The following NDUFB8 variants were observed in gnomAD, a reference collection of about 807,000 sequenced individuals.
NDUFB8 encodes NADH:ubiquinone oxidoreductase subunit B8, also known as NADH dehydrogenase [ubiquinone] 1 beta subcomplex subunit 8, mitochondrial.
NDUFB8 carries 17 observed loss-of-function variants against 26.0 expected under a neutral mutation model. The ratio of observed to expected loss-of-function variants is 0.65; its 90% CI spans 0.45 to 0.98. NDUFB8 has a LOEUF of 0.98. Among genes scored for constraint, NDUFB8 ranks in the 50% least tolerant of loss-of-function variants. The pLI is 0.00. For synonymous variants in NDUFB8, 89 were observed against 93.1 expected, an observed-to-expected ratio of 0.96 and a Z score of 0.25; for missense variants, 238 against 255.0, an observed-to-expected ratio of 0.93 and a Z score of 0.45.
chr10:100,524,666 C>G lies in NDUFB8; in HGVS notation c.469-737G>C, dbSNP rs1852014199. Reference sequence around the variant, plus strand: ...ACAGACATACCAGCTACCTTCAGGACATTGATTGTCTCTGCAGAGGTAGCA... The same window carrying G: ...ACAGACATACCAGCTACCTTCAGGAGATTGATTGTCTCTGCAGAGGTAGCA... On this transcript the variant is annotated intron_variant, in intron 4 of 4. Coordinates refer to ENST00000299166, the MANE Select transcript of NDUFB8 (RefSeq NM_005004.4). The surrounding 1 kb of genome is among the most constrained non-coding windows in gnomAD (Gnocchi z 4.0). 6.6e-6 allele frequency among the ~76,000 whole-genome samples: 1 copy of G among 152,220 alleles called. No homozygotes were observed. The highest frequency in any genetic ancestry group is 1.5e-5 in the Non-Finnish European group (1 of 68,034).
Position 100,529,509 on chromosome 10 carries a change from A to G in NDUFB8, c.86-3T>C, listed in dbSNP as rs112164069. 6.8e-6 allele frequency: 11 copies of G among 1,611,316 alleles called. No individual in the cohort carries two copies. The highest frequency in any genetic ancestry group is 3.4e-5 in the Admixed American group (2 of 58,790). On this transcript the variant is annotated splice_region_variant and splice_polypyrimidine_tract_variant and intron_variant, in intron 1 of 4. Coordinates refer to ENST00000299166, the MANE Select transcript of NDUFB8 (RefSeq NM_005004.4). The stretch of plus-strand genomic sequence containing the variant: ...CATGTCCTTGGTCATGTGGGAGGCT[A>G]GAACGCAGAAGAGAACAGGTCAGAA...
At chr10:100,529,354 G>T in intron 2 of NDUFB8, 26 bp downstream of exon 2, 1 of 1,565,290 alleles carries the variant, frequency 6.4e-7, no homozygotes, top group Admixed American at 2.1e-5. Context: ...CACTACTTGG[G>T]TGCGAGCATA....
At position 100,524,119 on chromosome 10, in the gene NDUFB8, G is replaced by T. The variant is rs530380325; in HGVS notation, c.469-190C>A. 5 of 1,573,694 alleles carry T rather than the reference G, an allele frequency of 3.2e-6. No individual in the cohort carries two copies. Among genetic ancestry groups the T allele is most frequent in the East Asian group, 4.7e-5 (2 of 43,006 alleles). On this transcript the variant is annotated intron_variant, in intron 4 of 4. Coordinates refer to ENST00000299166, the MANE Select transcript of NDUFB8 (RefSeq NM_005004.4). This position sits in a 1 kb window ranked among gnomAD's most constrained non-coding sequence, Gnocchi z 4.0. ...CCAAGGCAGAGAGAAAGCCTAAATT[G>T]TAAGAGAAGTGGTGCCTACACTGTG...
intron 2 of NDUFB8, among the ~76,000 whole-genome samples, chr10:100,528,833 G>A (rs2133713549): frequency 1.3e-5 from 2 of 152,316 alleles, no homozygotes; most frequent in African/African-American, 4.8e-5. Flanking sequence ...GTATGGATAC[G>A]GAAGAGTGTG....
intron 2 of NDUFB8, 188 bp downstream of exon 2, chr10:100,529,192 T>C (rs975012835): frequency 4.9e-5 from 22 of 445,400 alleles, no homozygotes; most frequent in Middle Eastern, 8.0e-4. Flanking sequence ...AAGGAGAAAA[T>C]TGAAGTCCTC....
downstream of NDUFB8, chr10:100,523,739 A>G: frequency 1.7e-6 from 2 of 1,171,946 alleles, no homozygotes; most frequent in Non-Finnish European, 2.4e-6. Context: ...TGAGGCACAA[A>G]TAACACAGCA....
chr10:100,529,866 C>T lies in NDUFB8; in HGVS notation c.-15G>A, dbSNP rs1852123249. On this transcript the variant is annotated 5_prime_UTR_variant, in exon 1 of 5. The change creates a new upstream start codon in the 5' untranslated region. Transcript: ENST00000299166. ...GCCACCGCCATCTTCACCTTCTTCA[C>T]GTTTCCCTTCTGCACATGCGCAAAG... is the stretch of plus-strand genomic sequence containing the variant. 6.2e-7 allele frequency: 1 copy of T among 1,613,408 alleles called. No homozygotes were observed. Among genetic ancestry groups the T allele is most frequent in the African/African-American group, 1.3e-5 (1 of 74,930 alleles).
chr10:100,526,769 T>G, intron 3 of NDUFB8: 1 of 726,402 alleles, frequency 1.4e-6, no homozygotes, highest in Non-Finnish European at 2.3e-6. Context: ...ATCATGGAAG[T>G]GCACAACTTT....
intron 1 of NDUFB8, 99 bp from the exon 2 acceptor site, chr10:100,529,605 C>T (rs1322847030): frequency 6.3e-7 from 1 of 1,576,026 alleles, no homozygotes; most frequent in African/African-American, 1.4e-5. Context: ...CCCGGGACTT[C>T]GCAGGATCAG....
At chr10:100,527,871 G>A (rs1055027402) in intron 2 of NDUFB8, among the ~76,000 whole-genome samples, 5 of 152,244 alleles carry the variant, frequency 3.3e-5, no homozygotes, top group Admixed American at 2.6e-4. Flanking sequence ...CCAGACTGGA[G>A]GGCAATGGCA....
At position 100,526,659 on chromosome 10, in the gene NDUFB8, C is replaced by T. The variant is rs1305196628; in HGVS notation, c.313-105G>A. On this transcript the variant is annotated intron_variant, in intron 3 of 4. Coordinates refer to ENST00000299166, the MANE Select transcript of NDUFB8 (RefSeq NM_005004.4). ...TACAAGGCTAGACAGAAGCATTCTA[C>T]TGCCCTGGGACAATATGCTGAGAAC... 5.1e-6 allele frequency: 7 copies of T among 1,359,736 alleles called. No individual in the cohort carries two copies. The African/African-American group carries it at 8.8e-5, about 17-fold the overall frequency. The allele number at this position is 1,359,736 out of a possible 1,614,324, so 84.2% of individuals were successfully genotyped here.
chr10:100,525,717 C>CGTGTGTGTGTGT lies in NDUFB8; in HGVS notation c.468+670_468+681dup, dbSNP rs71013460. 5.6e-4 allele frequency among the ~76,000 whole-genome samples: 26 copies of CGTGTGTGTGTGT among 46,052 alleles called. 1 individual carries two copies. Among genetic ancestry groups the CGTGTGTGTGTGT allele is most frequent in the African/African-American group, 1.9e-3 (17 of 8,922 alleles). 30.2% of individuals were successfully genotyped at this position (46,052 alleles called of 152,430 possible). On this transcript the variant is annotated intron_variant, in intron 4 of 4. Transcript: ENST00000299166. ...AGTAACTCATACCACTAAGCACATA[C>CGTGTGTGTGTGT]GTGTGTGTGTGTGTGTGTGTGTGTG... is the stretch of plus-strand genomic sequence containing the variant.
chr10:100,529,121 G>A, intron 2 of NDUFB8: 1 of 306,772 alleles, frequency 3.3e-6, no homozygotes, highest in Non-Finnish European at 6.0e-6. Context: ...CCTGCTATTC[G>A]GGGGTCCTCG....
Position 100,524,118 on chromosome 10 carries a change from T to A in NDUFB8, c.469-189A>T. ...CCCAAGGCAGAGAGAAAGCCTAAATTGTAAGAGAAGTGGTGCCTACACTGT... is the reference window on the plus strand; with the variant it reads ...CCCAAGGCAGAGAGAAAGCCTAAATAGTAAGAGAAGTGGTGCCTACACTGT... On this transcript the variant is annotated intron_variant, in intron 4 of 4. Transcript: ENST00000299166. This position sits in a 1 kb window ranked among gnomAD's most constrained non-coding sequence, Gnocchi z 4.0. 6.4e-7 allele frequency: 1 copy of A among 1,574,426 alleles called. No homozygotes were observed. Among genetic ancestry groups the A allele is most frequent in the South Asian group, 1.2e-5 (1 of 86,074 alleles).
intron 3 of NDUFB8, 78 bp downstream of exon 3, chr10:100,526,897 A>G (rs1295165333): frequency 2.2e-6 from 3 of 1,388,968 alleles, no homozygotes; most frequent in Non-Finnish European, 3.0e-6. Flanking sequence ...TACTTGGTCA[A>G]AGAAGTGCCA....
rs1852016155 is a variant in NDUFB8 at position 100,524,759 on chromosome 10, A to T, written c.469-830T>A. Among the ~76,000 whole-genome samples the T allele has an allele frequency of 6.6e-6, 1 of 152,198 alleles. No homozygotes were observed. Among genetic ancestry groups the T allele is most frequent in the Admixed American group, 6.5e-5 (1 of 15,280 alleles). On this transcript the variant is annotated intron_variant, in intron 4 of 4. Coordinates refer to ENST00000299166, the MANE Select transcript of NDUFB8 (RefSeq NM_005004.4). The surrounding 1 kb of genome is among the most constrained non-coding windows in gnomAD (Gnocchi z 4.0). ...CTTCTCTCCTTCCAGTACATCCTGG[A>T]GACTACTCCTGGATTAATCTTCCTA...
rs1262958966 is a variant in NDUFB8, at chr10:100,524,075, C to T, written c.469-146G>A. ...CTGGGCTAGGAAGGCAGGAACAGCA[C>T]TCCTCTTCCTCACTCAGCCCAAGGC... On this transcript the variant is annotated intron_variant, in intron 4 of 4. Coordinates refer to ENST00000299166, the MANE Select transcript of NDUFB8 (RefSeq NM_005004.4). The surrounding 1 kb of genome is among the most constrained non-coding windows in gnomAD (Gnocchi z 4.0). 6.3e-7 allele frequency: 1 copy of T among 1,579,164 alleles called. No homozygotes were observed. Among genetic ancestry groups the T allele is most frequent in the Non-Finnish European group, 8.6e-7 (1 of 1,162,162 alleles).
chr10:100,526,828 A>G (rs1852059737), intron 3 of NDUFB8, 147 bp downstream of exon 3: 5 of 792,510 alleles, frequency 6.3e-6, no homozygotes, highest in Non-Finnish European at 1.0e-5. Context: ...AGTGTGCCAC[A>G]TGCAATCTCA....
intron 3 of NDUFB8, 48 bp downstream of exon 3, chr10:100,526,927 A>C (rs1207085204): frequency 1.3e-6 from 2 of 1,555,520 alleles, no homozygotes; most frequent in African/African-American, 2.7e-5. Flanking sequence ...AAGAATCGCC[A>C]AGAAGACAAA....
Sources: allele counts gnomAD v4.1 joint callset (sites outside exome capture counted in the v4.1 genomes callset), GRCh38; gene constraint gnomAD v4.1.1; non-coding constraint Gnocchi (gnomAD v3.1); transcripts MANE v1.5; gene names NCBI Gene and HGNC (gene_info 2026-07-23, HGNC 2026-07-21).